The following PRMT3 variants were observed in gnomAD, a reference collection of about 807,000 sequenced individuals.
PRMT3 encodes the protein protein arginine N-methyltransferase 3.
Under a neutral mutation model 71.9 loss-of-function variants are expected in PRMT3, and 62 were observed. The observed-to-expected ratio is 0.86, with a 90% CI of 0.70 to 1.07. PRMT3 has a LOEUF of 1.07. PRMT3 is among the 50% of genes least tolerant of loss of function. PRMT3 has a pLI of 0.00. For missense variants in PRMT3, 663 were observed against 643.0 expected (o/e 1.03, Z -0.34); for synonymous variants, 213 against 220.4 (o/e 0.97, Z 0.30).
chr11:20,402,311 G>T (rs1032433955), intron 7 of PRMT3, among the ~76,000 whole-genome samples: 3 of 152,048 alleles, frequency 2.0e-5, no homozygotes, highest in Non-Finnish European at 4.4e-5. Flanking sequence ...TAGAGACAGG[G>T]TTACTCCATG....
intron 13 of PRMT3, among the ~76,000 whole-genome samples, chr11:20,476,848 C>A (rs1017404932): frequency 6.6e-6 from 1 of 150,534 alleles, no homozygotes; most frequent in African/African-American, 2.4e-5. Context: ...TGCTAATTCC[C>A]CAAGTGATCT....
intron 14 of PRMT3, 33 bp downstream of exon 14, chr11:20,494,002 T>C: frequency 6.6e-7 from 1 of 1,513,640 alleles, no homozygotes; most frequent in Non-Finnish European, 9.1e-7. Context: ...TAAGAATTAA[T>C]TATTACAGAA....
intron 9 of PRMT3, among the ~76,000 whole-genome samples, chr11:20,418,615 T>A (rs1270837472): frequency 2.6e-5 from 4 of 152,192 alleles, no homozygotes; most frequent in Non-Finnish European, 5.9e-5. Context: ...AAGATATTTT[T>A]AAGCAATGGG....
At chr11:20,476,622 T>C (rs1278558963) in intron 13 of PRMT3, among the ~76,000 whole-genome samples, 1 of 152,228 alleles carries the variant, frequency 6.6e-6, no homozygotes, top group Non-Finnish European at 1.5e-5. Flanking sequence ...TAAGTTCCTT[T>C]GAGATAATTT....
intron 9 of PRMT3, among the ~76,000 whole-genome samples, chr11:20,425,179 A>C (rs1590054950): frequency 1.3e-5 from 2 of 152,178 alleles, no homozygotes; most frequent in East Asian, 3.8e-4. Context: ...ACGAAAGAAG[A>C]CATGGGAATA....
Position 20,503,044 on chromosome 11 carries a change from A to T in PRMT3, c.1487-5260A>T, listed in dbSNP as rs1851494845. Among the ~76,000 whole-genome samples the T allele has an allele frequency of 2.0e-5, 3 of 149,064 alleles. No individual in the cohort carries two copies. The South Asian group carries it at 6.6e-4, about 33-fold the overall frequency. ...TTATGAAGGAATTATACTTCTGATA[A>T]TCCATCCTAAAGAATCAATTCAAAA... is the stretch of plus-strand genomic sequence containing the variant. On this transcript the variant is annotated intron_variant, in intron 15 of 15. Transcript: ENST00000331079.
chr11:20,397,874 G>C (rs1214372296), intron 7 of PRMT3, among the ~76,000 whole-genome samples, 153 bp downstream of exon 7: 9 of 151,696 alleles, frequency 5.9e-5, no homozygotes, highest in Non-Finnish European at 1.3e-4. Context: ...ATCTCATCTT[G>C]GGTTGAAAAT....
chr11:20,426,249 C>T (rs892614169), intron 9 of PRMT3, among the ~76,000 whole-genome samples: 10 of 152,118 alleles, frequency 6.6e-5, no homozygotes, highest in African/African-American at 1.9e-4. Flanking sequence ...TAGCCTGTGA[C>T]GTAAATAGGG....
intron 11 of PRMT3, among the ~76,000 whole-genome samples, chr11:20,460,185 G>A (rs1850352484): frequency 6.6e-6 from 1 of 152,160 alleles, no homozygotes; most frequent in African/African-American, 2.4e-5. Context: ...AACGTTAGGA[G>A]GAAGGAGAGA....
At chr11:20,420,485 C>T (rs1176667895) in intron 9 of PRMT3, among the ~76,000 whole-genome samples, 1 of 152,136 alleles carries the variant, frequency 6.6e-6, no homozygotes, top group African/African-American at 2.4e-5. Flanking sequence ...GGTGAGTGAA[C>T]ATAATCGTCT....
Position 20,392,078 on chromosome 11 carries a change from A to T in PRMT3, c.248-133A>T, listed in dbSNP as rs990636974. 7.5e-6 allele frequency: 6 copies of T among 795,986 alleles called. No homozygotes were observed. The African/African-American group carries it at 9.1e-5, about 12-fold the overall frequency. 49.3% of individuals were successfully genotyped at this position (795,986 alleles called of 1,614,324 possible). On this transcript the variant is annotated intron_variant, in intron 3 of 15. Coordinates refer to ENST00000331079, the MANE Select transcript of PRMT3 (RefSeq NM_005788.4). ...GTATTACTACTTCTAATTCTTAATA[A>T]AATTCAAAATATAAGTAGTAATTTA...
At chr11:20,402,814 G>C (rs1848978812) in intron 7 of PRMT3, 105 bp from the exon 8 acceptor site, 2 of 761,306 alleles carry the variant, frequency 2.6e-6, no homozygotes, top group South Asian at 2.1e-5. Flanking sequence ...TATAAAAACT[G>C]CTATGGAAAC....
rs1446999036 is a variant in PRMT3 at position 20,477,450 on chromosome 11, G to C, written c.1347+12904G>C. ...TGCATGTCTATAGTCCTAGCTACTC[G>C]GGATGCTGAAGCAGGAGAATCACTT... On this transcript the variant is annotated intron_variant, in intron 13 of 15. Coordinates refer to ENST00000331079, the MANE Select transcript of PRMT3 (RefSeq NM_005788.4). Among the ~76,000 whole-genome samples the C allele has an allele frequency of 5.9e-5, 9 of 151,930 alleles. No homozygotes were observed. The East Asian group carries it at 1.5e-3, about 26-fold the overall frequency.
intron 13 of PRMT3, among the ~76,000 whole-genome samples, chr11:20,488,595 A>G (rs1021320708): frequency 2.6e-5 from 4 of 152,220 alleles, no homozygotes; most frequent in Non-Finnish European, 5.9e-5. Context: ...CTGTAACCAC[A>G]TGCTGTTGGA....
intron 9 of PRMT3, among the ~76,000 whole-genome samples, chr11:20,424,968 G>A (rs531098721): frequency 6.6e-6 from 1 of 152,188 alleles, no homozygotes; most frequent in African/African-American, 2.4e-5. Context: ...GCCAGGCATG[G>A]TGTCACGCAC....
intron 9 of PRMT3, among the ~76,000 whole-genome samples, chr11:20,421,139 A>G (rs1005090828): frequency 2.0e-5 from 3 of 152,174 alleles, no homozygotes; most frequent in African/African-American, 7.2e-5. Context: ...CCCAGGCCCA[A>G]GTGATCCTCC....
At chr11:20,487,916 T>C (rs1403546941) in intron 13 of PRMT3, among the ~76,000 whole-genome samples, 1 of 152,196 alleles carries the variant, frequency 6.6e-6, no homozygotes, top group African/African-American at 2.4e-5. Context: ...TGAAATATTC[T>C]ATGTAGATCA....
chr11:20,408,107 G>T, intron 9 of PRMT3, 75 bp downstream of exon 9: 1 of 1,117,628 alleles, frequency 8.9e-7, no homozygotes. Context: ...CTTGTCTTTA[G>T]TAGCTATCTA....
At chr11:20,414,361 A>G (rs1257556077) in intron 9 of PRMT3, among the ~76,000 whole-genome samples, 2 of 152,300 alleles carry the variant, frequency 1.3e-5, no homozygotes, top group South Asian at 2.1e-4. Context: ...GCAGACATGA[A>G]TAAAACAATA....
Sources: allele counts gnomAD v4.1 joint callset (sites outside exome capture counted in the v4.1 genomes callset), GRCh38; gene constraint gnomAD v4.1.1; transcripts MANE v1.5; gene names NCBI Gene and HGNC (gene_info 2026-07-23, HGNC 2026-07-21).